The following SPOCK3 variants were observed in gnomAD, a reference collection of about 807,000 sequenced individuals.
The protein encoded by SPOCK3 is testican-3.
A neutral mutation model predicts 56.6 loss-of-function variants in SPOCK3; 30 were observed. The observed-to-expected ratio is 0.53, with a 90% CI of 0.40 to 0.72. The LOEUF (loss-of-function observed/expected upper bound fraction) is 0.72, where lower values mean the gene tolerates loss of function less well. Among genes scored for constraint, SPOCK3 ranks in the 30% least tolerant of loss-of-function variants. The probability of loss-of-function intolerance (pLI) is 0.00; values close to 1 mark genes in which losing one functional copy is unlikely to be tolerated. For synonymous variants in SPOCK3, 196 were observed against 183.3 expected (o/e 1.07, Z -0.56); for missense variants, 527 against 530.0 (o/e 0.99, Z 0.06).
At chr4:167,200,869 G>T (rs1377680574) in intron 2 of SPOCK3, among the ~76,000 whole-genome samples, 1 of 151,944 alleles carries the variant, frequency 6.6e-6, no homozygotes, top group Non-Finnish European at 1.5e-5. Flanking sequence ...GTATCCTTTT[G>T]GTATGGCATT....
intron 2 of SPOCK3, chr4:167,119,918 A>C (rs1303878931): frequency 3.1e-6 from 4 of 1,306,758 alleles, no homozygotes; most frequent in Non-Finnish European, 3.1e-6. Flanking sequence ...AAAGGAAAGA[A>C]AGAAAGAAAA....
intron 2 of SPOCK3, among the ~76,000 whole-genome samples, chr4:167,069,314 G>A (rs1419141073): frequency 1.3e-5 from 2 of 151,792 alleles, no homozygotes; most frequent in African/African-American, 4.8e-5. Context: ...ATCCCCAGCA[G>A]GGCTACCAGA....
intron 6 of SPOCK3, among the ~76,000 whole-genome samples, chr4:166,863,670 C>A (rs1303988915): frequency 6.6e-6 from 1 of 151,920 alleles, no homozygotes; most frequent in South Asian, 2.1e-4. Context: ...TTTAAACCAA[C>A]AAAGATCAAA....
chr4:167,181,788 AC>A (rs1731478578), intron 2 of SPOCK3, among the ~76,000 whole-genome samples: 1 of 152,280 alleles, frequency 6.6e-6, no homozygotes, highest in South Asian at 2.1e-4. Flanking sequence ...TTTTTTGACC[AC>A]CCAATACATG....
intron 2 of SPOCK3, among the ~76,000 whole-genome samples, chr4:167,153,195 T>C (rs1311163611): frequency 6.6e-6 from 1 of 152,148 alleles, no homozygotes; most frequent in Non-Finnish European, 1.5e-5. Flanking sequence ...TTTGACTGAA[T>C]TACAGATCAT....
intron 2 of SPOCK3, among the ~76,000 whole-genome samples, chr4:167,176,936 A>G (rs1731036442): frequency 6.6e-6 from 1 of 152,044 alleles, no homozygotes. Context: ...TGTTTGTTCA[A>G]CTCTATGTCC....
At chr4:166,816,087 A>G (rs1187012286) in intron 6 of SPOCK3, among the ~76,000 whole-genome samples, 1 of 152,136 alleles carries the variant, frequency 6.6e-6, no homozygotes, top group African/African-American at 2.4e-5. Context: ...GTAATTATCT[A>G]GAAAATGAAT....
chr4:166,988,073 C>A (rs373049943), intron 4 of SPOCK3, among the ~76,000 whole-genome samples: 1 of 151,984 alleles, frequency 6.6e-6, no homozygotes, highest in African/African-American at 2.4e-5. Context: ...AAAGATTAAA[C>A]ATATTACACA....
intron 6 of SPOCK3, among the ~76,000 whole-genome samples, chr4:166,874,743 A>G (rs1342446078): frequency 6.6e-6 from 1 of 152,194 alleles, no homozygotes; most frequent in Non-Finnish European, 1.5e-5. Context: ...AGTAGATTGT[A>G]GAATTGTATT....
intron 2 of SPOCK3, among the ~76,000 whole-genome samples, chr4:167,065,706 T>C (rs973871777): frequency 1.8e-4 from 28 of 151,908 alleles, no homozygotes; most frequent in Non-Finnish European, 3.5e-4. Context: ...AAAAATAGTT[T>C]CACCTCATTA....
intron 2 of SPOCK3, among the ~76,000 whole-genome samples, chr4:167,140,844 C>T (rs1036658333): frequency 2.6e-5 from 4 of 151,996 alleles, no homozygotes; most frequent in Non-Finnish European, 5.9e-5. Context: ...CATCCCCTAT[C>T]GTTCTCTCTG....
intron 2 of SPOCK3, among the ~76,000 whole-genome samples, chr4:167,137,743 C>T (rs2150393417): frequency 6.6e-6 from 1 of 151,692 alleles, no homozygotes; most frequent in East Asian, 1.9e-4. Context: ...TTTAAAACAC[C>T]AAATCACAAA....
intron 4 of SPOCK3, among the ~76,000 whole-genome samples, chr4:166,930,614 A>T (rs911073341): frequency 6.6e-6 from 1 of 152,216 alleles, no homozygotes; most frequent in African/African-American, 2.4e-5. Context: ...ATGACTAAAA[A>T]TAAATTACTA....
chr4:167,221,497 CTT>C (rs1256931748), intron 2 of SPOCK3, among the ~76,000 whole-genome samples: 1 of 152,152 alleles, frequency 6.6e-6, no homozygotes, highest in Non-Finnish European at 1.5e-5. Context: ...TCGTTTCAAA[CTT>C]CACTGATTTT....
At chr4:166,803,976 T>C (rs1310489058) in intron 6 of SPOCK3, among the ~76,000 whole-genome samples, 2 of 152,118 alleles carry the variant, frequency 1.3e-5, no homozygotes, top group African/African-American at 4.8e-5. Context: ...CACAGAACCA[T>C]GCAGTAATAA....
chr4:166,935,493 T>G (rs1740305154), intron 4 of SPOCK3, among the ~76,000 whole-genome samples: 1 of 152,192 alleles, frequency 6.6e-6, no homozygotes, highest in Non-Finnish European at 1.5e-5. Context: ...AATCTCATGC[T>G]TTCTGCCAGT....
At chr4:166,930,147 T>TA (rs906132232) in intron 4 of SPOCK3, among the ~76,000 whole-genome samples, 9 of 151,988 alleles carry the variant, frequency 5.9e-5, no homozygotes, top group East Asian at 3.9e-4. Context: ...ACTTTGTTTA[T>TA]AAAAAAATGT....
intron 4 of SPOCK3, among the ~76,000 whole-genome samples, chr4:166,913,832 T>C (rs1204846943): frequency 1.3e-5 from 2 of 152,106 alleles, no homozygotes; most frequent in Admixed American, 6.6e-5. Flanking sequence ...TAGTTCCAAA[T>C]ACGTTCTCTT....
intron 6 of SPOCK3, among the ~76,000 whole-genome samples, chr4:166,830,598 G>A (rs933006282): frequency 5.9e-5 from 9 of 152,042 alleles, no homozygotes; most frequent in South Asian, 2.1e-4. Context: ...ACAAAAATTA[G>A]TGGCATATGC....
Sources: allele counts gnomAD v4.1 joint callset (sites outside exome capture counted in the v4.1 genomes callset), GRCh38; gene constraint gnomAD v4.1.1; transcripts MANE v1.5; gene names NCBI Gene and HGNC (gene_info 2026-07-23, HGNC 2026-07-21).